Variants in NWD2 observed in about 807,000 individuals in gnomAD.
The protein encoded by NWD2 is NACHT and WD repeat domain containing 2.
In NWD2, 37 loss-of-function variants were observed where a neutral mutation model predicts 132.7. The ratio of observed to expected loss-of-function variants is 0.28; its 90% confidence interval spans 0.21 to 0.37. The LOEUF is 0.37. Ranked by LOEUF, NWD2 falls within the 10% of genes least tolerant of loss-of-function variation. NWD2 has a pLI of 1.00. For missense variants in NWD2, 1,592 were observed against 2,122.4 expected (o/e 0.75, Z 4.91); for synonymous variants, 705 against 803.0 (o/e 0.88, Z 2.06).
chr4:37,363,765 T>TA (rs1233720609), intron 3 of NWD2, among the ~76,000 whole-genome samples: 1 of 152,088 alleles, frequency 6.6e-6, no homozygotes, highest in African/African-American at 2.4e-5. Flanking sequence ...CATCATGCAA[T>TA]ACAGCCAGGT....
At chr4:37,421,327 G>A (rs371249663) in intron 3 of NWD2, among the ~76,000 whole-genome samples, 1 of 151,548 alleles carries the variant, frequency 6.6e-6, no homozygotes, top group South Asian at 2.1e-4. Context: ...AGCAAACTCC[G>A]GAATGGCTCC....
intron 3 of NWD2, among the ~76,000 whole-genome samples, chr4:37,409,748 G>A (rs1339900194): frequency 6.6e-6 from 1 of 152,132 alleles, no homozygotes; most frequent in East Asian, 1.9e-4. Flanking sequence ...GTTAAGGGCA[G>A]CCAGAGAGAA....
At chr4:37,406,689 C>T (rs545819989) in intron 3 of NWD2, among the ~76,000 whole-genome samples, 22 of 152,106 alleles carry the variant, frequency 1.4e-4, no homozygotes, top group African/African-American at 4.8e-4. Flanking sequence ...CCTGAGGTCA[C>T]GAGTTTGAGA....
At chr4:37,298,205 G>T (rs1236703117) in intron 1 of NWD2, among the ~76,000 whole-genome samples, 2 of 152,132 alleles carry the variant, frequency 1.3e-5, no homozygotes, top group African/African-American at 4.8e-5. Flanking sequence ...TCAGAGGAAT[G>T]GAGCAAAGCT....
intron 1 of NWD2, among the ~76,000 whole-genome samples, chr4:37,296,022 A>G (rs1718482226): frequency 6.6e-6 from 1 of 152,230 alleles, no homozygotes; most frequent in Non-Finnish European, 1.5e-5. Flanking sequence ...GTCCCCTGAC[A>G]TGCACACATT....
intron 3 of NWD2, among the ~76,000 whole-genome samples, chr4:37,367,491 A>C (rs949569114): frequency 9.9e-5 from 15 of 152,170 alleles, no homozygotes; most frequent in East Asian, 5.8e-4. Context: ...GACCCAAGGC[A>C]ATTGGAAGAA....
Position 37,445,719 on chromosome 4 carries a change from A to C in NWD2, c.3731A>C (p.Asp1244Ala), listed in dbSNP as rs985154229. The C allele has an allele frequency of 6.4e-7, 1 of 1,551,800 alleles. No homozygotes were observed. Among genetic ancestry groups the C allele is most frequent in the Non-Finnish European group, 8.7e-7 (1 of 1,147,022 alleles). ...TCTGCCGTGCTGTCTAAAAATGGAG[A>C]TTGTATCATCGCCACCATGGAAAAT... ...FISAVLSKNG[D>A]CIIATMENTS... Residue 1244 changes from aspartate (D) to alanine (A), a missense_variant, in exon 7 of 7, where the codon GAT becomes GCT. Physicochemically the swap from Asp to Ala is moderately radical, Grantham distance 126. Transcript: ENST00000309447. This position sits in a 1 kb window ranked among gnomAD's most constrained non-coding sequence, Gnocchi z 4.7.
chr4:37,442,074 G>A (rs1712499929), intron 6 of NWD2, among the ~76,000 whole-genome samples: 2 of 152,098 alleles, frequency 1.3e-5, no homozygotes. Flanking sequence ...AAAGGTTGAG[G>A]CTAAACAACA....
chr4:37,434,031 C>T lies in NWD2; in HGVS notation c.706+11C>T, dbSNP rs1207120934. 2.0e-6 allele frequency: 3 copies of T among 1,528,366 alleles called. No individual in the cohort carries two copies. Among genetic ancestry groups the T allele is most frequent in the South Asian group, 2.5e-5 (2 of 80,970 alleles). The allele number at this position is 1,528,366 out of a possible 1,614,324, so 94.7% of individuals were successfully genotyped here. A position where few individuals can be genotyped will look rare whatever the true frequency, so the allele number is the denominator to read the frequency against. On this transcript the variant is annotated intron_variant, in intron 5 of 6. Coordinates refer to ENST00000309447, the MANE Select transcript of NWD2 (RefSeq NM_001144990.2). Reference sequence around the variant, plus strand: ...GGTACCTGTTCTCAGGTAATTTTCCCATACCTTCAGTAAAATAAGAAATAT... The same window carrying T: ...GGTACCTGTTCTCAGGTAATTTTCCTATACCTTCAGTAAAATAAGAAATAT...
chr4:37,316,726 A>T (rs921719959), intron 1 of NWD2, among the ~76,000 whole-genome samples: 1 of 152,172 alleles, frequency 6.6e-6, no homozygotes, highest in Non-Finnish European at 1.5e-5. Context: ...GGTTTTCATC[A>T]GCCAAATCTA....
chr4:37,407,736 T>C (rs1312373422), intron 3 of NWD2, among the ~76,000 whole-genome samples: 3 of 152,190 alleles, frequency 2.0e-5, no homozygotes, highest in African/African-American at 7.2e-5. Context: ...TTATCCTTGA[T>C]AGGGCAACAT....
chr4:37,340,973 C>T (rs141725924), intron 2 of NWD2, among the ~76,000 whole-genome samples: 1 of 152,264 alleles, frequency 6.6e-6, no homozygotes, highest in Non-Finnish European at 1.5e-5. Flanking sequence ...TGTCCATACT[C>T]CTACTCGCTA....
In NWD2 at chr4:37,444,839, T is replaced by C; in HGVS notation, c.2851T>C (p.Ser951Pro). Residue 951 changes from serine to proline, a missense_variant, in exon 7 of 7, where the codon TCC becomes CCC. This residue lies in a region of NWD2 where 1,071 missense variants were observed against 1,398.0 expected (regional missense o/e 0.77). Transcript: ENST00000309447. This position sits in a 1 kb window ranked among gnomAD's most constrained non-coding sequence, Gnocchi z 4.8. The part of the protein sequence containing the change: ...KYCSIVPLHS[S>P]MDVTYSPERL... ...TTGCTCCATTGTACCACTGCATTCATCCATGGATGTGACATACAGCCCAGA... is the reference window on the plus strand; with the variant it reads ...TTGCTCCATTGTACCACTGCATTCACCCATGGATGTGACATACAGCCCAGA... 6.4e-7 allele frequency: 1 copy of C among 1,552,226 alleles called. No homozygotes were observed.
chr4:37,342,228 G>A (rs1254661735), intron 2 of NWD2, among the ~76,000 whole-genome samples: 1 of 152,126 alleles, frequency 6.6e-6, no homozygotes, highest in Non-Finnish European at 1.5e-5. Context: ...TCAGTTACCA[G>A]GAGATCTGGC....
chr4:37,278,169 T>C (rs1263391288), intron 1 of NWD2, among the ~76,000 whole-genome samples: 2 of 152,168 alleles, frequency 1.3e-5, no homozygotes, highest in Non-Finnish European at 2.9e-5. Flanking sequence ...GCTCTAACTT[T>C]TATCTGTGCC....
At chr4:37,261,919 C>G (rs935391992) in intron 1 of NWD2, among the ~76,000 whole-genome samples, 2 of 152,228 alleles carry the variant, frequency 1.3e-5, no homozygotes, top group Non-Finnish European at 2.9e-5. Context: ...GGAGGACAAA[C>G]ATTTCCACCC....
rs1227852466 is a variant in NWD2 at position 37,443,935 on chromosome 4, G to A, written c.1947G>A (p.Leu649=). 9.0e-6 allele frequency: 14 copies of A among 1,552,220 alleles called. No individual in the cohort carries two copies. The Admixed American group carries it at 2.0e-4, about 22-fold the overall frequency. The part of the protein sequence containing the change: ...HESIEQLFWS[L]EKKCGQKLVS... ...GTATAGAGCAGTTATTCTGGTCCTT[G>A]GAGAAGAAGTGTGGTCAGAAACTGG... Residue 649 remains leucine, a synonymous_variant, in exon 7 of 7, where the codon TTG becomes TTA. Coordinates refer to ENST00000309447, the MANE Select transcript of NWD2 (RefSeq NM_001144990.2). The surrounding 1 kb of genome is among the most constrained non-coding windows in gnomAD (Gnocchi z 4.1).
intron 3 of NWD2, among the ~76,000 whole-genome samples, chr4:37,397,158 T>C (rs1720812202): frequency 6.6e-6 from 1 of 152,134 alleles, no homozygotes; most frequent in Admixed American, 6.5e-5. Flanking sequence ...GGGTGGCCAC[T>C]TTTTAGTCAG....
intron 3 of NWD2, among the ~76,000 whole-genome samples, chr4:37,424,474 A>G (rs1377368851): frequency 2.6e-5 from 4 of 152,342 alleles, no homozygotes; most frequent in African/African-American, 9.6e-5. Context: ...TGAATCATAT[A>G]TGAAGGAAAA....
Sources: allele counts gnomAD v4.1 joint callset (sites outside exome capture counted in the v4.1 genomes callset), GRCh38; gene constraint gnomAD v4.1.1; regional missense constraint gnomAD v4.1.1; non-coding constraint Gnocchi (gnomAD v3.1); transcripts MANE v1.5; gene names NCBI Gene and HGNC (gene_info 2026-07-23, HGNC 2026-07-21).